The following PARPBP variants were observed in gnomAD, a reference collection of about 807,000 sequenced individuals.
The protein encoded by PARPBP is PARP1 binding protein, also known as PCNA-interacting partner.
In PARPBP, 52 loss-of-function variants were observed where a neutral mutation model predicts 50.0. That is an observed-to-expected ratio of 1.04 (90% CI 0.83 to 1.31). The LOEUF is 1.31. PARPBP is among the 50% of genes most tolerant of loss of function. The pLI is 0.00. For synonymous variants in PARPBP, 244 were observed against 232.1 expected, an observed-to-expected ratio of 1.05 and a Z score of -0.47; for missense variants, 697 against 672.0, an observed-to-expected ratio of 1.04 and a Z score of -0.41.
rs1226635453 is a variant in PARPBP, at chr12:102,150,721, A to G, written c.387+2258A>G. ...AAGTATCTGGAAGACAGGATCAGAG[A>G]CCTGGGGTGAGGAGCAGAAATGGTT... On this transcript the variant is annotated intron_variant, in intron 3 of 10. Coordinates refer to ENST00000327680, the MANE Select transcript of PARPBP (RefSeq NM_017915.5). Among the ~76,000 whole-genome samples, 3 of 152,356 alleles carry G rather than the reference A, an allele frequency of 2.0e-5. No individual in the cohort carries two copies. In the East Asian group the frequency reaches 5.8e-4, roughly 29 times the overall value.
At chr12:102,175,085 GA>G (rs1889129150) in intron 6 of PARPBP, among the ~76,000 whole-genome samples, 1 of 152,156 alleles carries the variant, frequency 6.6e-6, no homozygotes, top group African/African-American at 2.4e-5. Flanking sequence ...TCAACTTACT[GA>G]ATTGGTTTTA....
chr12:102,151,500 G>A, intron 3 of PARPBP: 1 of 1,067,252 alleles, frequency 9.4e-7, no homozygotes, highest in Non-Finnish European at 1.4e-6. Context: ...ATCAACATCA[G>A]TGAATGGGGT....
intron 2 of PARPBP, among the ~76,000 whole-genome samples, chr12:102,139,043 A>G (rs547603268): frequency 9.8e-5 from 15 of 152,318 alleles, no homozygotes; most frequent in East Asian, 3.9e-4. Flanking sequence ...TGGTAGCTTC[A>G]TGGGGATGGC....
chr12:102,132,978 C>CTGATTTTTGTATTT (rs1337812437), intron 2 of PARPBP, among the ~76,000 whole-genome samples: 12 of 151,914 alleles, frequency 7.9e-5, no homozygotes, highest in African/African-American at 2.9e-4. Flanking sequence ...TGAAATGATA[C>CTGATTTTTGTATTT]TGATTTTTGT....
In PARPBP at chr12:102,175,740, A is replaced by C. The variant is rs76427892; in HGVS notation, c.1005+74A>C. ...CTTCTATTTATTGTAGAAATGGTTT[A>C]TTATTGCTACTTAAGTCAGAAGAGT... On this transcript the variant is annotated intron_variant, in intron 7 of 10. Transcript: ENST00000327680. 1,645 of 935,784 alleles carry C rather than the reference A, an allele frequency of 1.8e-3. 25 individuals are homozygous for C. In the African/African-American group the frequency reaches 0.024, roughly 14 times the overall value. 58.0% of individuals were successfully genotyped at this position (935,784 alleles called of 1,614,324 possible).
intron 8 of PARPBP, among the ~76,000 whole-genome samples, 165 bp from the exon 9 acceptor site, chr12:102,182,384 C>T (rs999951117): frequency 1.3e-5 from 2 of 152,144 alleles, no homozygotes; most frequent in Admixed American, 6.5e-5. Flanking sequence ...GCATTTTTGA[C>T]TTAATGGTAT....
chr12:102,146,697 A>C (rs7487205), intron 2 of PARPBP, among the ~76,000 whole-genome samples: 17,031 of 152,064 alleles, frequency 0.11, 1,053 homozygotes, highest in African/African-American at 0.13. Context: ...CAATGGCAAC[A>C]AAAGCCAAAA....
Position 102,132,642 on chromosome 12 carries a change from G to T in PARPBP, c.153+8601G>T, listed in dbSNP as rs191311953. 1.2e-4 allele frequency among the ~76,000 whole-genome samples: 19 copies of T among 152,180 alleles called. No homozygotes were observed. In the East Asian group the frequency reaches 3.5e-3, roughly 28 times the overall value. ...AGATTGTTTTTGCTGTTTGGGGTCT[G>T]TTGTAGTTCCATATAAATTTTAAAA... On this transcript the variant is annotated intron_variant, in intron 2 of 10. Coordinates refer to ENST00000327680, the MANE Select transcript of PARPBP (RefSeq NM_017915.5).
chr12:102,128,359 G>T (rs1882329173), intron 2 of PARPBP, among the ~76,000 whole-genome samples: 1 of 152,082 alleles, frequency 6.6e-6, no homozygotes, highest in Non-Finnish European at 1.5e-5. Flanking sequence ...TGCCTCCCTA[G>T]TAGCTGGGAC....
intron 9 of PARPBP, among the ~76,000 whole-genome samples, chr12:102,189,689 G>A (rs1890621891): frequency 6.6e-6 from 1 of 152,054 alleles, no homozygotes; most frequent in Admixed American, 6.6e-5. Context: ...AAATTGCCTT[G>A]CTGTTGTAAA....
chr12:102,130,482 A>G (rs999733635), intron 2 of PARPBP, among the ~76,000 whole-genome samples: 1 of 152,190 alleles, frequency 6.6e-6, no homozygotes, highest in Non-Finnish European at 1.5e-5. Context: ...ATTTTTGCAA[A>G]CTATACATCT....
In PARPBP at chr12:102,120,444, G is replaced by A. The variant is rs117404833; in HGVS notation, c.-4+158G>A. The A allele has an allele frequency of 0.017, 7,614 of 456,550 alleles. 118 individuals carry two copies. The highest frequency in any genetic ancestry group is 0.026 in the Non-Finnish European group (5,868 of 226,880). 28.3% of individuals were successfully genotyped at this position (456,550 alleles called of 1,614,324 possible). On this transcript the variant is annotated intron_variant, in intron 1 of 10. Transcript: ENST00000327680. ...AGTGACTTGACGCTCGAGCCTGGTT[G>A]GGCCTGGGGGCTGTAGGCGGAGTTC...
chr12:102,171,999 G>A (rs572186809), intron 6 of PARPBP, among the ~76,000 whole-genome samples: 135 of 152,264 alleles, frequency 8.9e-4, no homozygotes, highest in African/African-American at 3.1e-3. Context: ...TGGAAAAGCA[G>A]TCACTTTATT....
chr12:102,189,109 A>G (rs562540986), intron 9 of PARPBP, among the ~76,000 whole-genome samples: 3 of 152,348 alleles, frequency 2.0e-5, no homozygotes, highest in African/African-American at 7.2e-5. Flanking sequence ...GGGTAGAAAC[A>G]ATATTTGAAG....
In PARPBP at chr12:102,164,595, T is replaced by C; in HGVS notation, c.653T>C (p.Met218Thr). The C allele has an allele frequency of 6.2e-7, 1 of 1,613,352 alleles. No individual in the cohort carries two copies. The highest frequency in any genetic ancestry group is 1.1e-5 in the South Asian group (1 of 91,074). ...AAACATGCTGCTCGAGAGAAACAAATGTCTATCTTTTTGGTATGGTTGTGT... is the reference window on the plus strand; with the variant it reads ...AAACATGCTGCTCGAGAGAAACAAACGTCTATCTTTTTGGTATGGTTGTGT... ...DLKHAAREKQ[M>T]SIFLVATSFI... The change falls in exon 5 of 11, where the codon ATG becomes ACG. Residue 218 changes from methionine to threonine, a missense_variant. By Grantham distance (81) the Met-to-Thr change is moderately conservative (BLOSUM62 -1). Coordinates refer to ENST00000327680, the MANE Select transcript of PARPBP (RefSeq NM_017915.5).
At chr12:102,127,171 G>A (rs572580462) in intron 2 of PARPBP, among the ~76,000 whole-genome samples, 57 of 152,242 alleles carry the variant, frequency 3.7e-4, no homozygotes, top group African/African-American at 1.3e-3. Context: ...ATGATGGGCA[G>A]ATCACTTAAG....
intron 9 of PARPBP, among the ~76,000 whole-genome samples, chr12:102,188,885 T>A (rs1890545912): frequency 6.6e-6 from 1 of 152,050 alleles, no homozygotes; most frequent in African/African-American, 2.4e-5. Context: ...TGTAAAAACA[T>A]TATCTAAAAT....
chr12:102,196,051 C>T lies in PARPBP; in HGVS notation c.1500C>T (p.Thr500=). Residue 500 remains threonine, a synonymous_variant, in exon 11 of 11, where the codon ACC becomes ACT. Coordinates refer to ENST00000327680, the MANE Select transcript of PARPBP (RefSeq NM_017915.5). ...ATGAAAAAGTATCAAGAAAATCAACCAGTCAGACAGGAAATAAAAGCTCAA... is the reference window on the plus strand; with the variant it reads ...ATGAAAAAGTATCAAGAAAATCAACTAGTCAGACAGGAAATAAAAGCTCAA... The part of the protein sequence containing the change: ...SKNEKVSRKS[T]SQTGNKSSKR... 1 of 1,611,252 alleles carries T rather than the reference C, an allele frequency of 6.2e-7. No homozygotes were observed. The highest frequency in any genetic ancestry group is 8.5e-7 in the Non-Finnish European group (1 of 1,178,264).
chr12:102,124,539 A>G (rs189946343), intron 2 of PARPBP, among the ~76,000 whole-genome samples: 266 of 152,344 alleles, frequency 1.7e-3, no homozygotes, highest in African/African-American at 5.9e-3. Flanking sequence ...AGAGGTGTTC[A>G]GATGAGAGAA....
Sources: gnomAD v4.1 joint callset for allele counts (sites outside exome capture counted in the v4.1 genomes callset) on GRCh38, gnomAD v4.1.1 for gene constraint, MANE v1.5 for transcripts, NCBI Gene and HGNC (gene_info 2026-07-23, HGNC 2026-07-21) for gene names.